The following ARMC7 variants were observed in gnomAD, a reference collection of about 807,000 sequenced individuals.
ARMC7 encodes the protein armadillo repeat containing 7, also known as armadillo repeat-containing protein 7.
A neutral mutation model predicts 14.8 loss-of-function variants in ARMC7; 9 were observed. The ratio of observed to expected loss-of-function variants is 0.61; its 90% CI spans 0.37 to 1.06. The LOEUF (loss-of-function observed/expected upper bound fraction) is 1.06, where lower values mean the gene tolerates loss of function less well. Among genes scored for constraint, ARMC7 ranks in the 50% least tolerant of loss-of-function variants. The pLI is 0.01. For missense variants in ARMC7, 262 were observed against 267.1 expected (o/e 0.98, Z 0.13); for synonymous variants, 125 against 123.4 (o/e 1.01, Z -0.09).
In ARMC7 at chr17:75,130,183, G is replaced by A; in HGVS notation, c.*1145G>A. On this transcript the variant is annotated 3_prime_UTR_variant, in exon 3 of 3. Transcript: ENST00000245543. ...GGAAGGGCTCATCAGCACCCGCTCAGGGAGCCTGTCCCTTTATGTTCCCAA... is the reference window on the plus strand; with the variant it reads ...GGAAGGGCTCATCAGCACCCGCTCAAGGAGCCTGTCCCTTTATGTTCCCAA... 1 of 335,082 alleles carries A rather than the reference G, an allele frequency of 3.0e-6. No individual in the cohort carries two copies. Among genetic ancestry groups the A allele is most frequent in the Non-Finnish European group, 5.6e-6 (1 of 178,862 alleles). The allele number at this position is 335,082 out of a possible 1,614,324, so 20.8% of individuals were successfully genotyped here.
At chr17:75,118,825 C>A (rs760118729) in intron 2 of ARMC7, among the ~76,000 whole-genome samples, 2 of 152,196 alleles carry the variant, frequency 1.3e-5, no homozygotes, top group Non-Finnish European at 1.5e-5. Flanking sequence ...CGGTCATGAA[C>A]GGCAAGGCCG....
At position 75,110,327 on chromosome 17, in the gene ARMC7, G is replaced by T. The variant is rs2073902182; in HGVS notation, c.39G>T (p.Arg13=). Residue 13 remains arginine, a synonymous_variant, in exon 1 of 3, where the codon CGG becomes CGT. Coordinates refer to ENST00000245543, the MANE Select transcript of ARMC7 (RefSeq NM_024585.4). ...CGAAGGTGGACCCCCACGTCGGGCG[G>T]CTGGGATACCTGCAGGCGCTGGTCA... is the stretch of plus-strand genomic sequence containing the variant. ...QKPKVDPHVG[R]LGYLQALVTE... The T allele has an allele frequency of 6.2e-7, 1 of 1,613,634 alleles. No individual in the cohort carries two copies. The highest frequency in any genetic ancestry group is 1.3e-5 in the African/African-American group (1 of 74,938).
At chr17:75,121,329 A>T (rs1347982762) in intron 2 of ARMC7, among the ~76,000 whole-genome samples, 2 of 152,226 alleles carry the variant, frequency 1.3e-5, no homozygotes, top group African/African-American at 4.8e-5. Context: ...GTTTAACGTC[A>T]TGAGAAGCTG....
At chr17:75,122,808 C>T (rs932169349) in intron 2 of ARMC7, among the ~76,000 whole-genome samples, 2 of 149,176 alleles carry the variant, frequency 1.3e-5, no homozygotes, top group South Asian at 2.1e-4. Context: ...GAGCAACAGC[C>T]AATATTTTGA....
At position 75,129,274 on chromosome 17, in the gene ARMC7, C is replaced by A; in HGVS notation, c.*236C>A. ...AGCTGCGTTCATAGGCTGGCACTCT[C>A]AATCCTACATCAGGTGCCACCACCA... On this transcript the variant is annotated 3_prime_UTR_variant, in exon 3 of 3. Transcript: ENST00000245543. 1 of 602,408 alleles carries A rather than the reference C, an allele frequency of 1.7e-6. No individual in the cohort carries two copies. The highest frequency in any genetic ancestry group is 2.8e-6 in the Non-Finnish European group (1 of 356,242). 37.3% of individuals were successfully genotyped at this position (602,408 alleles called of 1,614,324 possible).
rs149200390 is a variant in ARMC7, at chr17:75,120,198, G to A, written c.236-8479G>A. Among the ~76,000 whole-genome samples the A allele has an allele frequency of 3.6e-3, 546 of 151,812 alleles. 5 individuals carry two copies. Among genetic ancestry groups the A allele is most frequent in the African/African-American group, 0.013 (523 of 41,430 alleles). Reference sequence around the variant, plus strand: ...ATTACAGGCATGAGCCCCCACGCCCGGCCAGCATCACCTCATTTAATCCCT... The same window carrying A: ...ATTACAGGCATGAGCCCCCACGCCCAGCCAGCATCACCTCATTTAATCCCT... On this transcript the variant is annotated intron_variant, in intron 2 of 2. Coordinates refer to ENST00000245543, the MANE Select transcript of ARMC7 (RefSeq NM_024585.4).
chr17:75,112,404 A>C (rs1282839481), intron 2 of ARMC7, among the ~76,000 whole-genome samples: 1 of 152,096 alleles, frequency 6.6e-6, no homozygotes, highest in East Asian at 1.9e-4. Flanking sequence ...GCACCTGTGA[A>C]TAGCCACTGC....
At position 75,110,001 on chromosome 17, in the gene ARMC7, C is replaced by G. The variant is rs1004616792; in HGVS notation, c.-288C>G. ...AGCCCAGGAGCCGGGGACGGTGCGC[C>G]AGTGCCCCCTCCGCGAGCCCCAACC... On this transcript the variant is annotated 5_prime_UTR_variant, in exon 1 of 3. Transcript: ENST00000245543. 2 of 369,896 alleles carry G rather than the reference C, an allele frequency of 5.4e-6. No homozygotes were observed. Among genetic ancestry groups the G allele is most frequent in the African/African-American group, 4.2e-5 (2 of 47,080 alleles). The allele number at this position is 369,896 out of a possible 1,614,324, so 22.9% of individuals were successfully genotyped here. A position where few individuals can be genotyped will look rare whatever the true frequency, so the allele number is the denominator to read the frequency against.
In ARMC7 at chr17:75,110,254, C is replaced by G; in HGVS notation, c.-35C>G. Reference sequence around the variant, plus strand: ...TTCCCCCTGCACCTTTCCCACCCTCCCGCCCGTCCCTGGGGGTCCTCCGTC... The same window carrying G: ...TTCCCCCTGCACCTTTCCCACCCTCGCGCCCGTCCCTGGGGGTCCTCCGTC... On this transcript the variant is annotated 5_prime_UTR_variant, in exon 1 of 3. Transcript: ENST00000245543. 1.3e-6 allele frequency: 2 copies of G among 1,548,792 alleles called. No individual in the cohort carries two copies. The highest frequency in any genetic ancestry group is 1.7e-6 in the Non-Finnish European group (2 of 1,149,832).
rs1568020604 is a variant in ARMC7, at chr17:75,129,210, G to C, written c.*172G>C. 1 of 931,924 alleles carries C rather than the reference G, an allele frequency of 1.1e-6. No homozygotes were observed. 57.7% of individuals were successfully genotyped at this position (931,924 alleles called of 1,614,324 possible). Reference sequence around the variant, plus strand: ...ACTGATGAAACGCCACTGGGAGTGAGGAAGCCAGACTCCAGAGACACGGAG... The same window carrying C: ...ACTGATGAAACGCCACTGGGAGTGACGAAGCCAGACTCCAGAGACACGGAG... On this transcript the variant is annotated 3_prime_UTR_variant, in exon 3 of 3. Transcript: ENST00000245543.
intron 2 of ARMC7, among the ~76,000 whole-genome samples, chr17:75,118,756 G>A (rs2073990746): frequency 6.6e-6 from 1 of 152,170 alleles, no homozygotes; most frequent in Non-Finnish European, 1.5e-5. Flanking sequence ...CCCGCCCAGT[G>A]CACACCATGT....
At position 75,111,509 on chromosome 17, in the gene ARMC7, C is replaced by T. The variant is rs534304860; in HGVS notation, c.235+903C>T. ...CTTTAATCTCAGCACTTTGTGAGGC[C>T]GAAGCAGGGAGATCACTTGAGTTCC... On this transcript the variant is annotated intron_variant, in intron 2 of 2. Coordinates refer to ENST00000245543, the MANE Select transcript of ARMC7 (RefSeq NM_024585.4). 4.2e-4 allele frequency among the ~76,000 whole-genome samples: 63 copies of T among 150,738 alleles called. No individual in the cohort carries two copies. The South Asian group carries it at 0.013, about 31-fold the overall frequency.
chr17:75,114,234 C>T (rs527512969), intron 2 of ARMC7: 2 of 401,246 alleles, frequency 5.0e-6, no homozygotes, highest in South Asian at 1.3e-4. Context: ...CACCAGGGGG[C>T]GATAGAGCTC....
chr17:75,111,583 TAAAA>T (rs913673713), intron 2 of ARMC7, among the ~76,000 whole-genome samples: 3 of 132,966 alleles, frequency 2.3e-5, no homozygotes, highest in East Asian at 2.2e-4. Context: ...ATCTCTGCTT[TAAAA>T]AAAAAAAAAA....
Position 75,110,283 on chromosome 17 carries a change from G to T in ARMC7, c.-6G>T, listed in dbSNP as rs1315620568. ...CCGTCCCTGGGGGTCCTCCGTCACC[G>T]CGGCCATGGCCCAGAAGCCGAAGGT... is the stretch of plus-strand genomic sequence containing the variant. On this transcript the variant is annotated 5_prime_UTR_variant, in exon 1 of 3. Transcript: ENST00000245543. The T allele has an allele frequency of 3.1e-6, 5 of 1,607,476 alleles. No homozygotes were observed. In the Admixed American group the frequency reaches 8.4e-5, roughly 27 times the overall value.
Position 75,128,826 on chromosome 17 carries a change from G to T in ARMC7, c.385G>T (p.Gly129Cys), listed in dbSNP as rs763624572. ...CACGCTCATGCACCTGAGCCCGCCG[G>T]GCCGCAGCTTTCTCCCAGAGCTGAC... ...ITTLMHLSPP[G>C]RSFLPELTAT... The change falls in exon 3 of 3, where the codon GGC becomes TGC. Residue 129 changes from glycine to cysteine, a missense_variant. Coordinates refer to ENST00000245543, the MANE Select transcript of ARMC7 (RefSeq NM_024585.4). 2 of 1,613,100 alleles carry T rather than the reference G, an allele frequency of 1.2e-6. No individual in the cohort carries two copies. Among genetic ancestry groups the T allele is most frequent in the Non-Finnish European group, 1.7e-6 (2 of 1,180,018 alleles).
intron 2 of ARMC7, among the ~76,000 whole-genome samples, chr17:75,116,041 A>G (rs755558308): frequency 3.3e-5 from 5 of 152,226 alleles, no homozygotes; most frequent in Non-Finnish European, 5.9e-5. Flanking sequence ...CATCTGCTCC[A>G]GGAATTCTTA....
chr17:75,126,775 G>A (rs1336251992), intron 2 of ARMC7, among the ~76,000 whole-genome samples: 1 of 151,956 alleles, frequency 6.6e-6, no homozygotes, highest in Admixed American at 6.6e-5. Flanking sequence ...AATGAAAAAA[G>A]CTGGGCGGGG....
In ARMC7 at chr17:75,129,194, A is replaced by T. The variant is rs766785551; in HGVS notation, c.*156A>T. 6 of 1,079,724 alleles carry T rather than the reference A, an allele frequency of 5.6e-6. No homozygotes were observed. The Middle Eastern group carries it at 9.2e-4, about 165-fold the overall frequency. 66.9% of individuals were successfully genotyped at this position (1,079,724 alleles called of 1,614,324 possible). On this transcript the variant is annotated 3_prime_UTR_variant, in exon 3 of 3. Coordinates refer to ENST00000245543, the MANE Select transcript of ARMC7 (RefSeq NM_024585.4). ...CAGGACAGGCATTTACACTGATGAA[A>T]CGCCACTGGGAGTGAGGAAGCCAGA...
Sources: allele counts gnomAD v4.1 joint callset (sites outside exome capture counted in the v4.1 genomes callset), GRCh38; gene constraint gnomAD v4.1.1; transcripts MANE v1.5; gene names NCBI Gene and HGNC (gene_info 2026-07-23, HGNC 2026-07-21).